The following ADGRG6 variants were observed in gnomAD, a reference collection of about 807,000 sequenced individuals.
ADGRG6 encodes the protein adhesion G protein-coupled receptor G6.
In ADGRG6, 84 loss-of-function variants were observed where a neutral mutation model predicts 142.4. The ratio of observed to expected loss-of-function variants is 0.59; its 90% CI spans 0.49 to 0.71. ADGRG6 has a LOEUF of 0.71. Among genes scored for constraint, ADGRG6 ranks in the 30% least tolerant of loss-of-function variants. The pLI is 0.00. For synonymous variants in ADGRG6, 521 were observed against 520.5 expected (o/e 1.00, Z -0.01); for missense variants, 1,367 against 1,466.6 (o/e 0.93, Z 1.11).
At chr6:142,411,175 G>T in intron 17 of ADGRG6, 130 bp from the exon 18 acceptor site, 1 of 579,988 alleles carries the variant, frequency 1.7e-6, no homozygotes, top group South Asian at 2.3e-5. Context: ...CTTTCATAAT[G>T]GTATCCATTT....
intron 22 of ADGRG6, among the ~76,000 whole-genome samples, chr6:142,424,865 G>A (rs1247238223): frequency 1.3e-5 from 2 of 152,082 alleles, no homozygotes; most frequent in African/African-American, 2.4e-5. Context: ...TTGTGACGTT[G>A]AGAATGTGTT....
At chr6:142,417,980 A>G (rs1320446005) in intron 21 of ADGRG6, among the ~76,000 whole-genome samples, 2 of 152,118 alleles carry the variant, frequency 1.3e-5, no homozygotes, top group African/African-American at 4.8e-5. Flanking sequence ...CCACATATCT[A>G]TGCATATCTC....
intron 22 of ADGRG6, among the ~76,000 whole-genome samples, chr6:142,425,309 G>A (rs893025632): frequency 1.3e-5 from 2 of 152,144 alleles, no homozygotes; most frequent in African/African-American, 2.4e-5. Flanking sequence ...GGAAAAGTTG[G>A]TCCAGTATTT....
rs757707968 is a variant in ADGRG6 at position 142,411,433 on chromosome 6, T to C, written c.2541+22T>C. ...GATGGTAAGGGGGGAATTTCTAAGC[T>C]CATTTTGACATGCTGTAACTTTGGA... On this transcript the variant is annotated intron_variant, in intron 18 of 24. Coordinates refer to ENST00000367609, the MANE Select transcript of ADGRG6 (RefSeq NM_198569.3). 16 of 1,185,336 alleles carry C rather than the reference T, an allele frequency of 1.3e-5. No homozygotes were observed. The South Asian group carries it at 1.9e-4, about 14-fold the overall frequency. The allele number at this position is 1,185,336 out of a possible 1,614,324, so 73.4% of individuals were successfully genotyped here. A position where few individuals can be genotyped will look rare whatever the true frequency, so the allele number is the denominator to read the frequency against.
chr6:142,386,029 G>T (rs1583071571), intron 6 of ADGRG6, among the ~76,000 whole-genome samples: 2 of 152,150 alleles, frequency 1.3e-5, no homozygotes, highest in Admixed American at 1.3e-4. Context: ...GAATTTTACT[G>T]AATTAATCAA....
At chr6:142,319,889 T>C (rs1020052945) in intron 2 of ADGRG6, among the ~76,000 whole-genome samples, 13 of 152,254 alleles carry the variant, frequency 8.5e-5, no homozygotes, top group Non-Finnish European at 1.5e-4. Flanking sequence ...CTAGAGATTT[T>C]GTATAAAATA....
chr6:142,347,817 T>G (rs1210684981), intron 2 of ADGRG6, among the ~76,000 whole-genome samples: 1 of 152,194 alleles, frequency 6.6e-6, no homozygotes, highest in Non-Finnish European at 1.5e-5. Flanking sequence ...TCTAAGTTCT[T>G]AAGAAATAAT....
intron 2 of ADGRG6, among the ~76,000 whole-genome samples, chr6:142,353,728 T>C (rs911718638): frequency 6.6e-5 from 10 of 152,244 alleles, no homozygotes; most frequent in Non-Finnish European, 1.5e-4. Flanking sequence ...GAGGAGGATT[T>C]ACACATCTTC....
chr6:142,371,165 T>C (rs1437410643), intron 4 of ADGRG6, among the ~76,000 whole-genome samples: 5 of 150,420 alleles, frequency 3.3e-5, no homozygotes, highest in Non-Finnish European at 7.4e-5. Context: ...AAGTAAGTTA[T>C]TGGTATTTTT....
At chr6:142,355,642 G>GAC (rs1219861033) in intron 2 of ADGRG6, among the ~76,000 whole-genome samples, 1 of 151,990 alleles carries the variant, frequency 6.6e-6, no homozygotes, top group Non-Finnish European at 1.5e-5. Context: ...TGGGGGCACT[G>GAC]ACAAGCTTCT....
In ADGRG6 at chr6:142,419,905, C is replaced by A; in HGVS notation, c.3120C>A (p.Phe1040Leu). 6.2e-7 allele frequency: 1 copy of A among 1,612,672 alleles called. No homozygotes were observed. Among genetic ancestry groups the A allele is most frequent in the South Asian group, 1.1e-5 (1 of 91,038 alleles). ...TGTTTTTTCTGAACATTGCCATGTT[C>A]ATTGTGGTAATGGTGCAGATCTGTG... is the stretch of plus-strand genomic sequence containing the variant. ...GVMFFLNIAM[F>L]IVVMVQICGR... Residue 1040 changes from phenylalanine (F) to leucine (L), a missense_variant, in exon 22 of 25, where the codon TTC becomes TTA. Phe to Leu is a conservative substitution (Grantham distance 22, BLOSUM62 0). This residue lies in a region of ADGRG6 where 344 missense variants were observed against 348.7 expected (regional missense o/e 0.99). Coordinates refer to ENST00000367609, the MANE Select transcript of ADGRG6 (RefSeq NM_198569.3).
At chr6:142,318,156 TTA>T (rs1379808006) in intron 2 of ADGRG6, among the ~76,000 whole-genome samples, 1 of 2,592 alleles carries the variant, frequency 3.9e-4, no homozygotes, top group African/African-American at 7.9e-4. Context: ...ATATTATATA[TTA>T]TATATATTAT....
At chr6:142,399,189 AG>A (rs764349830) in intron 10 of ADGRG6, among the ~76,000 whole-genome samples, 117 of 152,188 alleles carry the variant, frequency 7.7e-4, no homozygotes, top group Non-Finnish European at 6.8e-4. Flanking sequence ...GAATTGAGGG[AG>A]GCAAGTGTTC....
At chr6:142,429,223 T>A (rs146185822) in intron 22 of ADGRG6, among the ~76,000 whole-genome samples, 3 of 152,268 alleles carry the variant, frequency 2.0e-5, no homozygotes, top group African/African-American at 7.2e-5. Context: ...CTAAGAAAAT[T>A]AAGTCAAAGT....
chr6:142,402,060 TA>T lies in ADGRG6; in HGVS notation c.1744+4del. ...CTGTTGATATCTCCAACTGTTTAAGTAAGTGAGCAGTTTTCCTTTATTTCTC... is the reference window on the plus strand; with the variant it reads ...CTGTTGATATCTCCAACTGTTTAAGTAGTGAGCAGTTTTCCTTTATTTCTC... On this transcript the variant is annotated splice_donor_region_variant and intron_variant, in intron 12 of 24. Coordinates refer to ENST00000367609, the MANE Select transcript of ADGRG6 (RefSeq NM_198569.3). The T allele has an allele frequency of 6.7e-7, 1 of 1,483,216 alleles. No homozygotes were observed. Among genetic ancestry groups the T allele is most frequent in the Non-Finnish European group, 9.3e-7 (1 of 1,071,906 alleles). The allele number at this position is 1,483,216 out of a possible 1,614,324, so 91.9% of individuals were successfully genotyped here. A position where few individuals can be genotyped will look rare whatever the true frequency, so the allele number is the denominator to read the frequency against.
chr6:142,323,040 G>A (rs1201377388), intron 2 of ADGRG6, among the ~76,000 whole-genome samples: 2 of 151,952 alleles, frequency 1.3e-5, no homozygotes. Flanking sequence ...AGTGAGTAGT[G>A]AGTTGAAAGC....
chr6:142,404,116 G>T (rs1408511446), intron 14 of ADGRG6, 143 bp downstream of exon 14: 70 of 671,990 alleles, frequency 1.0e-4, no homozygotes, highest in South Asian at 1.6e-5. Flanking sequence ...AACTAGAGCA[G>T]TAGCCATAAA....
chr6:142,411,992 A>G (rs1776112619), intron 18 of ADGRG6, among the ~76,000 whole-genome samples: 1 of 151,752 alleles, frequency 6.6e-6, no homozygotes, highest in Non-Finnish European at 1.5e-5. Context: ...TGTTTCTGTC[A>G]CTCTTAGGCC....
At position 142,414,666 on chromosome 6, in the gene ADGRG6, A is replaced by G. The variant is rs941742256; in HGVS notation, c.2542-303A>G. ...TATGCAAGGCAACCGTCTCCTCTCC[A>G]ATTTCTGTTGAGAGTCCTGGTGGTT... On this transcript the variant is annotated intron_variant, in intron 18 of 24. Coordinates refer to ENST00000367609, the MANE Select transcript of ADGRG6 (RefSeq NM_198569.3). Among the ~76,000 whole-genome samples, 4 of 152,226 alleles carry G rather than the reference A, an allele frequency of 2.6e-5. No homozygotes were observed. In the East Asian group the frequency reaches 7.7e-4, roughly 29 times the overall value.
Sources: gnomAD v4.1 joint callset for allele counts (sites outside exome capture counted in the v4.1 genomes callset) on GRCh38, gnomAD v4.1.1 for gene constraint, gnomAD v4.1.1 regional missense constraint, MANE v1.5 for transcripts, NCBI Gene and HGNC (gene_info 2026-07-23, HGNC 2026-07-21) for gene names.